AOAH: variants seen among roughly 807,000 people sequenced by gnomAD.
The protein encoded by AOAH is acyloxyacyl hydrolase.
In AOAH, 64 loss-of-function variants were observed where a neutral mutation model predicts 92.2. The observed-to-expected ratio is 0.69, with a 90% CI of 0.57 to 0.86. AOAH has a LOEUF of 0.86. Among genes scored for constraint, AOAH ranks in the 40% least tolerant of loss-of-function variants. The pLI, the probability that AOAH is intolerant of heterozygous loss-of-function variation, is 0.00. For synonymous variants in AOAH, 263 were observed against 254.5 expected (o/e 1.03, Z -0.32); for missense variants, 656 against 694.6 (o/e 0.94, Z 0.62).
chr7:36,638,048 C>T (rs191825732), intron 4 of AOAH, 138 bp from the exon 5 acceptor site: 2 of 717,468 alleles, frequency 2.8e-6, no homozygotes, highest in Admixed American at 5.7e-5. Flanking sequence ...AAATAATTCA[C>T]AAGAAGGCAA....
chr7:36,648,510 C>T (rs917270238), intron 4 of AOAH, among the ~76,000 whole-genome samples: 15 of 151,828 alleles, frequency 9.9e-5, no homozygotes, highest in African/African-American at 3.6e-4. Context: ...CCCAGTATGC[C>T]ATTTGTCTTT....
At chr7:36,661,505 T>C (rs999054618) in intron 3 of AOAH, among the ~76,000 whole-genome samples, 10 of 152,332 alleles carry the variant, frequency 6.6e-5, no homozygotes, top group Admixed American at 2.0e-4. Flanking sequence ...GGTATTTTCC[T>C]GACCTTTAGT....
chr7:36,638,976 G>A (rs1793711080), intron 4 of AOAH, among the ~76,000 whole-genome samples: 1 of 152,180 alleles, frequency 6.6e-6, no homozygotes, highest in East Asian at 1.9e-4. Context: ...GCCTCCTTGT[G>A]ATCCGTCAAC....
At chr7:36,547,625 G>A (rs1785896134) in intron 15 of AOAH, among the ~76,000 whole-genome samples, 1 of 152,116 alleles carries the variant, frequency 6.6e-6, no homozygotes, top group South Asian at 2.1e-4. Flanking sequence ...TAGTGAGTGG[G>A]TGGCTATTGC....
chr7:36,604,834 T>A (rs1021317604), intron 11 of AOAH, among the ~76,000 whole-genome samples: 4 of 152,368 alleles, frequency 2.6e-5, no homozygotes, highest in African/African-American at 9.6e-5. Flanking sequence ...TCCTGCTCTG[T>A]TAAGAAGAGC....
intron 13 of AOAH, among the ~76,000 whole-genome samples, chr7:36,575,519 C>T (rs1004837719): frequency 3.3e-5 from 5 of 152,148 alleles, no homozygotes; most frequent in African/African-American, 1.2e-4. Flanking sequence ...TCAACACTCC[C>T]TAGAGCTATT....
chr7:36,513,327 C>G lies in AOAH; in HGVS notation c.1653G>C (p.Trp551Cys), dbSNP rs138811821. Residue 551 changes from tryptophan (W) to cysteine (C), a missense_variant, in exon 21 of 21, where the codon TGG becomes TGC. Coordinates refer to ENST00000617537, the MANE Select transcript of AOAH (RefSeq NM_001637.4). ...GATTCTCCTTTCCCAGGATTTGGGG[C>G]CACTGGAGCTGCACCTTTTTCCAGA... The part of the protein sequence containing the change: ...DHFWKKVQLQ[W>C]PQILGKENPF... 5.6e-6 allele frequency: 9 copies of G among 1,614,076 alleles called. No individual in the cohort carries two copies. In the Admixed American group the frequency reaches 1.0e-4, roughly 18 times the overall value.
rs373011374 is a variant in AOAH at position 36,568,170 on chromosome 7, A to G, written c.1021+8404T>C. ...TTATGGGAAGGTAAGGAGGAAAAAT[A>G]TGGTAAATAGGGGTTGTTTAATGAG... On this transcript the variant is annotated intron_variant, in intron 13 of 20. Transcript: ENST00000617537. Among the ~76,000 whole-genome samples the G allele has an allele frequency of 2.0e-4, 31 of 152,178 alleles. No homozygotes were observed. The East Asian group carries it at 2.3e-3, about 11-fold the overall frequency.
chr7:36,712,431 T>C (rs911885579), intron 1 of AOAH, among the ~76,000 whole-genome samples: 1 of 152,354 alleles, frequency 6.6e-6, no homozygotes, highest in Non-Finnish European at 1.5e-5. Flanking sequence ...AGTGAATTAA[T>C]TTAAATGTCA....
intron 3 of AOAH, among the ~76,000 whole-genome samples, chr7:36,660,366 A>C (rs1455315823): frequency 6.6e-6 from 1 of 152,124 alleles, no homozygotes; most frequent in Non-Finnish European, 1.5e-5. Flanking sequence ...CCCAGGCTGG[A>C]GTGCAGTGGA....
intron 6 of AOAH, 36 bp from the exon 7 acceptor site, chr7:36,623,286 C>T (rs748019135): frequency 5.0e-6 from 8 of 1,584,850 alleles, no homozygotes; most frequent in South Asian, 4.5e-5. Context: ...GGTGAGCTAA[C>T]AAAAAAAGTA....
At chr7:36,558,567 T>G (rs1028383671) in intron 13 of AOAH, among the ~76,000 whole-genome samples, 1 of 152,264 alleles carries the variant, frequency 6.6e-6, no homozygotes, top group Non-Finnish European at 1.5e-5. Flanking sequence ...GTCTGTGCCC[T>G]GCCCCCAGAG....
chr7:36,592,998 C>G (rs1789852826), intron 12 of AOAH, among the ~76,000 whole-genome samples: 2 of 152,042 alleles, frequency 1.3e-5, no homozygotes, highest in Admixed American at 1.3e-4. Flanking sequence ...AGGTTAGTTC[C>G]CTTCCTAGTT....
intron 1 of AOAH, among the ~76,000 whole-genome samples, chr7:36,690,697 T>C (rs1388774199): frequency 1.3e-5 from 2 of 152,188 alleles, no homozygotes; most frequent in African/African-American, 4.8e-5. Flanking sequence ...GCGAGAGCTA[T>C]GCATTTTGCT....
At chr7:36,686,139 T>C (rs1487007621) in intron 2 of AOAH, among the ~76,000 whole-genome samples, 3 of 152,222 alleles carry the variant, frequency 2.0e-5, no homozygotes, top group African/African-American at 7.2e-5. Flanking sequence ...AAAAGAAATA[T>C]GCAACTTGCT....
Position 36,621,788 on chromosome 7 carries a change from T to C in AOAH, c.583-8A>G, listed in dbSNP as rs1307959230. The C allele has an allele frequency of 2.5e-6, 4 of 1,614,020 alleles. No individual in the cohort carries two copies. Among genetic ancestry groups the C allele is most frequent in the Non-Finnish European group, 3.4e-6 (4 of 1,179,912 alleles). ...GTGATAGCCCCGCAGTGTCTGAAAT[T>C]GAAGAGCACACACAGGAGGGGTTCA... On this transcript the variant is annotated splice_polypyrimidine_tract_variant and splice_region_variant and intron_variant, in intron 7 of 20. Transcript: ENST00000617537.
At chr7:36,558,057 C>A (rs536917481) in intron 13 of AOAH, among the ~76,000 whole-genome samples, 1 of 152,082 alleles carries the variant, frequency 6.6e-6, no homozygotes, top group East Asian at 1.9e-4. Context: ...GGAGGAGAGG[C>A]GCTCTGCTTT....
At chr7:36,553,614 G>C (rs901796780) in intron 13 of AOAH, among the ~76,000 whole-genome samples, 1 of 152,058 alleles carries the variant, frequency 6.6e-6, no homozygotes, top group Non-Finnish European at 1.5e-5. Flanking sequence ...CAGTGTAAAA[G>C]TGTTCCTATT....
rs1784130375 is a variant in AOAH, at chr7:36,522,034, C to T, written c.1599+5G>A. The T allele has an allele frequency of 3.7e-6, 6 of 1,613,850 alleles. No individual in the cohort carries two copies. Among genetic ancestry groups the T allele is most frequent in the East Asian group, 2.2e-5 (1 of 44,894 alleles). The stretch of plus-strand genomic sequence containing the variant: ...CTTCTGCAGCCACCATGTGACTGTG[C>T]TTACCTCGTTGGGGTGGAATCCATC... On this transcript the variant is annotated splice_donor_5th_base_variant and intron_variant, in intron 20 of 20. Coordinates refer to ENST00000617537, the MANE Select transcript of AOAH (RefSeq NM_001637.4).
Sources: allele counts gnomAD v4.1 joint callset (sites outside exome capture counted in the v4.1 genomes callset), GRCh38; gene constraint gnomAD v4.1.1; transcripts MANE v1.5; gene names NCBI Gene and HGNC (gene_info 2026-07-23, HGNC 2026-07-21).